The following PDE12 variants were observed in gnomAD, a reference collection of about 807,000 sequenced individuals.
PDE12 encodes phosphodiesterase 12, also known as 2',5'-phosphodiesterase 12.
A neutral mutation model predicts 45.4 loss-of-function variants in PDE12; 26 were observed. The ratio of observed to expected loss-of-function variants is 0.57; its 90% CI spans 0.42 to 0.79. PDE12 has a LOEUF of 0.79. Among genes scored for constraint, PDE12 ranks in the 30% least tolerant of loss-of-function variants. The probability of loss-of-function intolerance (pLI) is 0.00; values close to 1 mark genes in which losing one functional copy is unlikely to be tolerated. For missense variants in PDE12, 668 were observed against 790.0 expected, an observed-to-expected ratio of 0.85 and a Z score of 1.85; for synonymous variants, 283 against 323.9, an observed-to-expected ratio of 0.87 and a Z score of 1.36.
At chr3:57,577,865 G>A in the PDE12 span, among the ~76,000 whole-genome samples, 1 of 151,702 alleles carries the variant, frequency 6.6e-6, no homozygotes, top group African/African-American at 2.4e-5. Flanking sequence ...ACCAGCCTGG[G>A]CAACATGGCG....
At chr3:57,594,444 T>C in the PDE12 span, among the ~76,000 whole-genome samples, 32 of 152,162 alleles carry the variant, frequency 2.1e-4, no homozygotes, top group Non-Finnish European at 3.1e-4. Context: ...TTGCATAACT[T>C]ACCCTTATAA....
chr3:57,596,833 C>G, the PDE12 span: 2 of 512,984 alleles, frequency 3.9e-6, no homozygotes, highest in African/African-American at 2.0e-5. Context: ...GAGAAAAAGC[C>G]GAGTCCAGAA....
chr3:57,629,272 A>G, the PDE12 span, among the ~76,000 whole-genome samples: 1 of 152,162 alleles, frequency 6.6e-6, no homozygotes, highest in African/African-American at 2.4e-5. Flanking sequence ...CTGGATGTAC[A>G]CTTCGTGTTT....
the PDE12 span, among the ~76,000 whole-genome samples, chr3:57,624,772 A>G: frequency 6.6e-6 from 1 of 152,066 alleles, no homozygotes; most frequent in Non-Finnish European, 1.5e-5. Context: ...TCAAGAAAAA[A>G]AAAAGAATAA....
the PDE12 span, among the ~76,000 whole-genome samples, chr3:57,655,650 A>G: frequency 2.6e-5 from 4 of 152,292 alleles, no homozygotes; most frequent in East Asian, 5.8e-4. Flanking sequence ...CGTTCAGGCT[A>G]TGTGTATAAG....
the PDE12 span, among the ~76,000 whole-genome samples, chr3:57,648,465 C>T: frequency 6.6e-6 from 1 of 152,034 alleles, no homozygotes; most frequent in African/African-American, 2.4e-5. Flanking sequence ...CCATCAATGC[C>T]CTCCTTACAC....
the PDE12 span, among the ~76,000 whole-genome samples, chr3:57,606,933 C>T: frequency 3.9e-5 from 6 of 152,088 alleles, no homozygotes; most frequent in East Asian, 1.9e-4. Context: ...GATCTGAGAA[C>T]GGACAGACTG....
At chr3:57,569,286 TA>T (rs930647596), downstream of PDE12, among the ~76,000 whole-genome samples, 4 of 151,336 alleles carry the variant, frequency 2.6e-5, no homozygotes, top group Admixed American at 1.3e-4. Flanking sequence ...AAAGGAACTT[TA>T]AAAAAAAATA....
At chr3:57,654,725 C>T in the PDE12 span, 92 of 984,934 alleles carry the variant, frequency 9.3e-5, no homozygotes, top group Admixed American at 3.1e-4. Context: ...TGGAATAGAC[C>T]TTGACCTAGT....
chr3:57,557,552 C>T lies in PDE12; in HGVS notation c.1173C>T (p.Phe391=). ...CCACTTTCTACCGAAAGTCTAAGTT[C>T]AGCCTTCTTAGCCAGCATGACATTT... is the stretch of plus-strand genomic sequence containing the variant. The part of the protein sequence containing the change: ...GLATFYRKSK[F]SLLSQHDISF... Residue 391 remains phenylalanine (F), a synonymous_variant, in exon 1 of 3, where the codon TTC becomes TTT. Coordinates refer to ENST00000311180, the MANE Select transcript of PDE12 (RefSeq NM_177966.7). 1 of 1,614,102 alleles carries T rather than the reference C, an allele frequency of 6.2e-7. No individual in the cohort carries two copies. Among genetic ancestry groups the T allele is most frequent in the Non-Finnish European group, 8.5e-7 (1 of 1,180,036 alleles).
At chr3:57,614,536 TG>T in the PDE12 span, among the ~76,000 whole-genome samples, 48 of 128,394 alleles carry the variant, frequency 3.7e-4, no homozygotes, top group East Asian at 1.4e-3. Context: ...TTTTTTTTTT[TG>T]TTTTTTGTTT....
chr3:57,557,199 C>T lies in PDE12; in HGVS notation c.820C>T (p.Pro274Ser), dbSNP rs1048397689. The T allele has an allele frequency of 1.2e-6, 2 of 1,613,782 alleles. No homozygotes were observed. The highest frequency in any genetic ancestry group is 1.3e-5 in the African/African-American group (1 of 74,848). ...AAGTGTGTGTGTGGTAGAGGCTGGG[C>T]CTGGCACCTGCACTTTTGACCACCG... is the stretch of plus-strand genomic sequence containing the variant. ...LESVCVVEAG[P>S]GTCTFDHRHL... The change falls in exon 1 of 3, where the codon CCT (proline) becomes TCT (serine). Residue 274 changes from proline (P) to serine (S), a missense_variant. Pro to Ser is a moderately conservative substitution (Grantham distance 74). Transcript: ENST00000311180.
chr3:57,610,671 C>T, the PDE12 span, among the ~76,000 whole-genome samples: 3 of 152,246 alleles, frequency 2.0e-5, no homozygotes, highest in South Asian at 4.2e-4. Context: ...AGGAATCCAA[C>T]TTACAAGGGA....
At chr3:57,590,765 A>C in the PDE12 span, among the ~76,000 whole-genome samples, 1 of 152,122 alleles carries the variant, frequency 6.6e-6, no homozygotes, top group Non-Finnish European at 1.5e-5. Context: ...TGTAGCCTCA[A>C]ACTCCTGGGC....
the PDE12 span, chr3:57,628,113 C>G: frequency 1.2e-5 from 18 of 1,500,522 alleles, no homozygotes; most frequent in African/African-American, 2.5e-4. Context: ...TGGCAATTTT[C>G]CACTCCGCTG....
At chr3:57,579,293 T>C in the PDE12 span, among the ~76,000 whole-genome samples, 1 of 137,652 alleles carries the variant, frequency 7.3e-6, no homozygotes, top group South Asian at 2.5e-4. Flanking sequence ...TTACATCCAC[T>C]AAGGGCAAAG....
At position 57,565,936 on chromosome 3, in the gene PDE12, A is replaced by G. The variant is rs1299053273; in HGVS notation, c.*5932A>G. The G allele has an allele frequency of 6.6e-6, 1 of 152,198 alleles. No individual in the cohort carries two copies. The highest frequency in any genetic ancestry group is 2.4e-5 in the African/African-American group (1 of 41,444). 9.4% of individuals were successfully genotyped at this position (152,198 alleles called of 1,614,324 possible). Reference sequence around the variant, plus strand: ...AAATAAACAGTGGCCTTCCTCAGAAAAGCTGGGCTATAGTGTTTTGGGTAT... The same window carrying G: ...AAATAAACAGTGGCCTTCCTCAGAAGAGCTGGGCTATAGTGTTTTGGGTAT... On this transcript the variant is annotated 3_prime_UTR_variant, in exon 3 of 3. Transcript: ENST00000311180.
At chr3:57,618,613 T>G in the PDE12 span, among the ~76,000 whole-genome samples, 1 of 120,664 alleles carries the variant, frequency 8.3e-6, no homozygotes, top group African/African-American at 2.8e-5. Context: ...TTGTGTTTTT[T>G]TTTTTTTTTT....
chr3:57,636,446 G>A, the PDE12 span, among the ~76,000 whole-genome samples: 1 of 152,110 alleles, frequency 6.6e-6, no homozygotes, highest in Non-Finnish European at 1.5e-5. Context: ...GAACAAAACA[G>A]CTAATTACCC....
Sources: allele counts gnomAD v4.1 joint callset (sites outside exome capture counted in the v4.1 genomes callset), GRCh38; gene constraint gnomAD v4.1.1; transcripts MANE v1.5; gene names NCBI Gene and HGNC (gene_info 2026-07-23, HGNC 2026-07-21).